Variants in GLB1 observed in about 807,000 individuals in gnomAD.
The protein encoded by GLB1 is galactosidase beta 1, also known as beta-galactosidase.
Under a neutral mutation model 74.0 loss-of-function variants are expected in GLB1, and 56 were observed. The observed-to-expected ratio is 0.76, with a 90% CI of 0.61 to 0.94. GLB1 has a LOEUF of 0.94. GLB1 is among the 40% of genes least tolerant of loss of function. The probability of loss-of-function intolerance (pLI) is 0.00; values close to 1 mark genes in which losing one functional copy is unlikely to be tolerated. For synonymous variants in GLB1, 323 were observed against 323.6 expected (o/e 1.00, Z 0.02); for missense variants, 787 against 845.5 (o/e 0.93, Z 0.86).
rs79165730 is a variant in GLB1, at chr3:33,008,595, A to G, written c.1734+5461T>C. On this transcript the variant is annotated intron_variant, in intron 15 of 15. Transcript: ENST00000307363. ...GTTGAAAAGGCCAGTGGGGGAAAGGAGCAGAGAGAGACCAAGGACTGCTGG... is the reference window on the plus strand; with the variant it reads ...GTTGAAAAGGCCAGTGGGGGAAAGGGGCAGAGAGAGACCAAGGACTGCTGG... Among the ~76,000 whole-genome samples the G allele has an allele frequency of 5.6e-3, 849 of 152,234 alleles. 1 individual carries two copies. Among genetic ancestry groups the G allele is most frequent in the Non-Finnish European group, 9.3e-3 (635 of 68,006 alleles).
At chr3:33,091,375 TGAGGGAAG>T in intron 1 of GLB1, 1 of 985,392 alleles carries the variant, frequency 1.0e-6, no homozygotes, top group Non-Finnish European at 1.2e-6. Context: ...AGAATGCACA[TGAGGGAAG>T]GAAGGCAAAC....
chr3:33,092,621 CA>C, intron 1 of GLB1: 8 of 1,359,414 alleles, frequency 5.9e-6, no homozygotes, highest in South Asian at 4.2e-5. Flanking sequence ...ACAAGTGCAT[CA>C]AAAAAAGCAA....
chr3:32,972,191 C>A, the GLB1 span, among the ~76,000 whole-genome samples: 1 of 152,118 alleles, frequency 6.6e-6, no homozygotes. Context: ...AGGTTGCAGG[C>A]AGTCCTTGAA....
intron 15 of GLB1, among the ~76,000 whole-genome samples, chr3:33,008,369 C>G (rs1372791755): frequency 6.6e-6 from 1 of 152,062 alleles, no homozygotes; most frequent in African/African-American, 2.4e-5. Context: ...GGATCTTGCC[C>G]TGAAGGAAGA....
intron 10 of GLB1, among the ~76,000 whole-genome samples, chr3:33,036,983 C>G (rs1698304837): frequency 6.6e-6 from 1 of 151,758 alleles, no homozygotes; most frequent in Non-Finnish European, 1.5e-5. Flanking sequence ...ACTAATGGCA[C>G]TGAATTTACA....
chr3:33,048,571 C>G (rs1698839364), intron 9 of GLB1, among the ~76,000 whole-genome samples: 1 of 152,200 alleles, frequency 6.6e-6, no homozygotes, highest in South Asian at 2.1e-4. Context: ...GGGCAGTGAA[C>G]TCCCCACTCC....
intron 10 of GLB1, among the ~76,000 whole-genome samples, chr3:33,038,600 T>C (rs529738661): frequency 8.0e-4 from 122 of 152,348 alleles, no homozygotes; most frequent in African/African-American, 2.8e-3. Context: ...ATCAAGGTAT[T>C]TGTCAATTCA....
At chr3:33,004,061 AT>A (rs1345907126) in intron 15 of GLB1, among the ~76,000 whole-genome samples, 1 of 151,854 alleles carries the variant, frequency 6.6e-6, no homozygotes, top group African/African-American at 2.4e-5. Flanking sequence ...ATGTTTCTCC[AT>A]TCCTTGGATC....
chr3:33,082,876 C>T (rs1559417113), intron 1 of GLB1, among the ~76,000 whole-genome samples: 1 of 152,064 alleles, frequency 6.6e-6, no homozygotes, highest in Non-Finnish European at 1.5e-5. Flanking sequence ...GTCTCTGAAA[C>T]AAAAACCTAG....
chr3:32,974,163 G>A, the GLB1 span, among the ~76,000 whole-genome samples: 1 of 152,180 alleles, frequency 6.6e-6, no homozygotes, highest in Admixed American at 6.5e-5. Flanking sequence ...AACCATTACA[G>A]GATGTGAGAT....
At chr3:32,981,890 T>G in the GLB1 span, among the ~76,000 whole-genome samples, 1 of 152,266 alleles carries the variant, frequency 6.6e-6, no homozygotes, top group Non-Finnish European at 1.5e-5. Flanking sequence ...CCTCTTGGTA[T>G]TCATATGTTT....
the GLB1 span, among the ~76,000 whole-genome samples, chr3:32,967,320 A>G: frequency 6.6e-6 from 1 of 152,226 alleles, no homozygotes; most frequent in Non-Finnish European, 1.5e-5. Flanking sequence ...AATTGCTTCT[A>G]CTTTGGGAGG....
intron 13 of GLB1, 122 bp downstream of exon 13, chr3:33,018,326 A>AAAAAAGTT: frequency 2.5e-6 from 1 of 397,146 alleles, no homozygotes. Flanking sequence ...AAAAAAAAAG[A>AAAAAAGTT]TGATGGGTAG....
chr3:33,036,039 G>A (rs891640399), intron 10 of GLB1, among the ~76,000 whole-genome samples: 3 of 152,086 alleles, frequency 2.0e-5, no homozygotes, highest in Non-Finnish European at 4.4e-5. Flanking sequence ...GAATGACAAA[G>A]GGCAAAAAGA....
chr3:33,025,949 G>A (rs1338743747), intron 10 of GLB1, among the ~76,000 whole-genome samples: 2 of 152,336 alleles, frequency 1.3e-5, no homozygotes, highest in African/African-American at 4.8e-5. Flanking sequence ...CAGCAGGAAG[G>A]AGGTGGTCAG....
intron 15 of GLB1, 108 bp downstream of exon 15, chr3:33,013,948 C>T: frequency 6.3e-7 from 1 of 1,581,328 alleles, no homozygotes; most frequent in Non-Finnish European, 8.6e-7. Context: ...ACGCCACACT[C>T]AAAACCATCA....
intron 14 of GLB1, among the ~76,000 whole-genome samples, chr3:33,015,550 T>C (rs1697205595): frequency 6.6e-6 from 1 of 152,196 alleles, no homozygotes; most frequent in African/African-American, 2.4e-5. Flanking sequence ...CGATTGCCCA[T>C]TTAATAATTT....
At chr3:33,038,292 T>A (rs1698368039) in intron 10 of GLB1, among the ~76,000 whole-genome samples, 1 of 152,228 alleles carries the variant, frequency 6.6e-6, no homozygotes, top group South Asian at 2.1e-4. Context: ...ATTAAGTGGA[T>A]GATCGACAGA....
chr3:33,045,154 C>T (rs957785479), intron 10 of GLB1, among the ~76,000 whole-genome samples: 4 of 152,216 alleles, frequency 2.6e-5, no homozygotes, highest in South Asian at 2.1e-4. Context: ...GGCTTACATA[C>T]GTTCTTTTCA....
Sources: allele counts gnomAD v4.1 joint callset (sites outside exome capture counted in the v4.1 genomes callset), GRCh38; gene constraint gnomAD v4.1.1; transcripts MANE v1.5; gene names NCBI Gene and HGNC (gene_info 2026-07-23, HGNC 2026-07-21).